The following PIGN variants were observed in gnomAD, a reference collection of about 807,000 sequenced individuals.
PIGN encodes the protein GPI ethanolamine phosphate transferase 1.
A neutral mutation model predicts 125.4 loss-of-function variants in PIGN; 117 were observed. That is an observed-to-expected ratio of 0.93 (90% CI 0.80 to 1.09). The LOEUF is 1.09. Ranked by LOEUF, PIGN falls within the 50% of genes least tolerant of loss-of-function variation. The pLI, the probability that PIGN is intolerant of heterozygous loss-of-function variation, is 0.00. For missense variants in PIGN, 1,075 were observed against 1,094.9 expected (o/e 0.98, Z 0.26); for synonymous variants, 392 against 377.8 (o/e 1.04, Z -0.44).
At chr18:62,114,964 G>A (rs541290542) in intron 14 of PIGN, among the ~76,000 whole-genome samples, 1 of 152,126 alleles carries the variant, frequency 6.6e-6, no homozygotes, top group African/African-American at 2.4e-5. Flanking sequence ...AACACCAAAC[G>A]TATGGCATGA....
At chr18:62,050,241 G>T (rs201217949) in intron 30 of PIGN, among the ~76,000 whole-genome samples, 10,220 of 151,932 alleles carry the variant, frequency 0.067, 569 homozygotes, top group African/African-American at 0.17. Context: ...GTGAAGAAAG[G>T]CATTGGTAGC....
At chr18:62,112,324 CT>C (rs2146556372) in intron 16 of PIGN, among the ~76,000 whole-genome samples, 1 of 152,232 alleles carries the variant, frequency 6.6e-6, no homozygotes, top group African/African-American at 2.4e-5. Context: ...CTGGAAATAT[CT>C]GCAGACTATT....
Position 62,085,279 on chromosome 18 carries a change from G to T in PIGN, c.2371-15C>A. 6.5e-7 allele frequency: 1 copy of T among 1,527,556 alleles called. No individual in the cohort carries two copies. Among genetic ancestry groups the T allele is most frequent in the Non-Finnish European group, 8.9e-7 (1 of 1,127,008 alleles). The allele number at this position is 1,527,556 out of a possible 1,614,324, so 94.6% of individuals were successfully genotyped here. ...AAGAAGAAAACCTAAAGGGAGTCAA[G>T]GAAATGGCAAAACAACTCAGATTTC... On this transcript the variant is annotated splice_polypyrimidine_tract_variant and intron_variant, in intron 25 of 30. Transcript: ENST00000640252.
intron 1 of PIGN, among the ~76,000 whole-genome samples, chr18:62,172,580 CATTTGTAAATGCAAATGTAT>C (rs1385705986): frequency 9.9e-5 from 15 of 151,996 alleles, no homozygotes; most frequent in Admixed American, 3.9e-4. Flanking sequence ...TGCAAATGTG[CATTTGTAAATGCAAATGTAT>C]ATTTGTAAAT....
At position 62,138,268 on chromosome 18, in the gene PIGN, A is replaced by C. The variant is rs2147134178; in HGVS notation, c.1147T>G (p.Leu383Val). The change falls in exon 14 of 31, where the codon TTA (leucine) becomes GTA (valine). Residue 383 changes from leucine (L) to valine (V), a missense_variant. By Grantham distance (32) the Leu-to-Val change is conservative (BLOSUM62 1). Transcript: ENST00000640252. The part of the protein sequence containing the change: ...VKMTQKKEVT[L>V]PFLFTPFKLL... ...TTAAATGGTGTAAACAAAAATGGTA[A>C]AGTAACTTCTTTCTTCTGAGTCATT... 1 of 1,547,674 alleles carries C rather than the reference A, an allele frequency of 6.5e-7. No individual in the cohort carries two copies. The highest frequency in any genetic ancestry group is 8.7e-7 in the Non-Finnish European group (1 of 1,145,452).
intron 21 of PIGN, among the ~76,000 whole-genome samples, chr18:62,102,488 C>G (rs1172381766): frequency 1.4e-5 from 2 of 147,868 alleles, no homozygotes; most frequent in African/African-American, 5.1e-5. Context: ...TTCCCTGACC[C>G]AAATGAGGAC....
At chr18:62,078,022 AC>A (rs1012189612) in intron 28 of PIGN, among the ~76,000 whole-genome samples, 11 of 152,272 alleles carry the variant, frequency 7.2e-5, no homozygotes, top group African/African-American at 2.4e-4. Context: ...ACTAGGGCCC[AC>A]CCATATCACC....
rs2030602313 is a variant in PIGN at position 62,045,502 on chromosome 18, A to C, written c.*354T>G. On this transcript the variant is annotated 3_prime_UTR_variant, in exon 31 of 31. Transcript: ENST00000640252. Reference sequence around the variant, plus strand: ...TGGATGCCATCAGCACTGCCCCCACAGGCATATGCTCTCCTCTGGGTATGT... The same window carrying C: ...TGGATGCCATCAGCACTGCCCCCACCGGCATATGCTCTCCTCTGGGTATGT... 1 of 168,802 alleles carries C rather than the reference A, an allele frequency of 5.9e-6. No homozygotes were observed. Among genetic ancestry groups the C allele is most frequent in the African/African-American group, 2.4e-5 (1 of 41,772 alleles). The allele number at this position is 168,802 out of a possible 1,614,324, so 10.5% of individuals were successfully genotyped here.
In PIGN at chr18:62,088,836, T is replaced by C. The variant is rs2033831520; in HGVS notation, c.2290A>G (p.Ser764Gly). 1.3e-6 allele frequency: 2 copies of C among 1,527,842 alleles called. No individual in the cohort carries two copies. The highest frequency in any genetic ancestry group is 1.8e-6 in the Non-Finnish European group (2 of 1,122,688). 94.6% of individuals were successfully genotyped at this position (1,527,842 alleles called of 1,614,324 possible). The change falls in exon 25 of 31, where the codon AGT (serine) becomes GGT (glycine). Residue 764 changes from serine (S) to glycine (G), a missense_variant. Coordinates refer to ENST00000640252, the MANE Select transcript of PIGN (RefSeq NM_176787.5). ...TCAGTATTATAAGAGAACTGGATACTGGTGAGCTGTGAGATAATAAGAAAA... is the reference window on the plus strand; with the variant it reads ...TCAGTATTATAAGAGAACTGGATACCGGTGAGCTGTGAGATAATAAGAAAA... ...SGVCCKQKLTSIQFSYNTDIT... is the reference protein window; with the variant it reads ...SGVCCKQKLTGIQFSYNTDIT...
chr18:62,049,562 T>C (rs2031073678), intron 30 of PIGN, among the ~76,000 whole-genome samples: 1 of 151,344 alleles, frequency 6.6e-6, no homozygotes, highest in Non-Finnish European at 1.5e-5. Flanking sequence ...TTTTTTCTTG[T>C]AAATTTGTTT....
rs868591591 is a variant in PIGN at position 62,109,786 on chromosome 18, T to C, written c.1574+48A>G. On this transcript the variant is annotated intron_variant, in intron 17 of 30. Transcript: ENST00000640252. ...ATCTACTGCATTTTAAATACAGATT[T>C]AACTGTCAATGAAGTGAAAAAACAA... is the stretch of plus-strand genomic sequence containing the variant. 23 of 1,526,636 alleles carry C rather than the reference T, an allele frequency of 1.5e-5. No homozygotes were observed. In the Middle Eastern group the frequency reaches 1.0e-3, roughly 69 times the overall value. The allele number at this position is 1,526,636 out of a possible 1,614,324, so 94.6% of individuals were successfully genotyped here.
intron 18 of PIGN, 29 bp downstream of exon 18, chr18:62,106,957 C>A (rs987424816): frequency 2.6e-6 from 4 of 1,539,110 alleles, no homozygotes; most frequent in Admixed American, 3.8e-5. Flanking sequence ...AAGAAATTTG[C>A]AAATGTTGTA....
intron 11 of PIGN, among the ~76,000 whole-genome samples, chr18:62,141,703 A>G (rs2036142207): frequency 6.6e-6 from 1 of 152,104 alleles, no homozygotes; most frequent in Non-Finnish European, 1.5e-5. Flanking sequence ...TCTTTCACAC[A>G]CAAAAAACCA....
At chr18:62,033,634 C>G (rs1449964176) in intron 23 of PIGN, among the ~76,000 whole-genome samples, 1 of 152,166 alleles carries the variant, frequency 6.6e-6, no homozygotes, top group Non-Finnish European at 1.5e-5. Context: ...ACTCTTCCCT[C>G]AAGCCCCTTC....
chr18:62,098,526 ATGAT>A (rs1187675702), intron 22 of PIGN, among the ~76,000 whole-genome samples: 5 of 152,224 alleles, frequency 3.3e-5, no homozygotes, highest in Non-Finnish European at 7.3e-5. Context: ...TTTTGTCTAA[ATGAT>A]TGATAAGGTA....
chr18:62,136,101 T>C (rs2035923630), intron 14 of PIGN: 1 of 152,190 alleles, frequency 6.6e-6, no homozygotes, highest in African/African-American at 2.4e-5. Flanking sequence ...AACATTTATA[T>C]ATTCCTCAGA....
chr18:62,169,470 A>AT (rs1170278849), intron 1 of PIGN, among the ~76,000 whole-genome samples: 4 of 97,266 alleles, frequency 4.1e-5, no homozygotes, highest in South Asian at 3.7e-4. Flanking sequence ...TTATTTTTTT[A>AT]TTATTTTTTT....
chr18:62,085,351 G>A, intron 25 of PIGN, 87 bp from the exon 26 acceptor site: 1 of 871,166 alleles, frequency 1.1e-6, no homozygotes, highest in Non-Finnish European at 1.9e-6. Context: ...ATTTTACCTT[G>A]AGAGTAATTT....
At chr18:62,061,214 TTTA>T (rs1044433535) in intron 30 of PIGN, among the ~76,000 whole-genome samples, 1 of 152,112 alleles carries the variant, frequency 6.6e-6, no homozygotes, top group Non-Finnish European at 1.5e-5. Flanking sequence ...TAATACAATC[TTTA>T]TTATTTAAGA....
Sources: gnomAD v4.1 joint callset for allele counts (sites outside exome capture counted in the v4.1 genomes callset) on GRCh38, gnomAD v4.1.1 for gene constraint, MANE v1.5 for transcripts, NCBI Gene and HGNC (gene_info 2026-07-23, HGNC 2026-07-21) for gene names.